Variants in TRDN observed in about 807,000 individuals in gnomAD.
TRDN encodes the protein triadin in skeletal muscle.
In TRDN, 161 loss-of-function variants were observed where a neutral mutation model predicts 149.7. The ratio of observed to expected loss-of-function variants is 1.08; its 90% CI spans 0.95 to 1.23. The LOEUF (loss-of-function observed/expected upper bound fraction) is 1.23, where lower values mean the gene tolerates loss of function less well. Ranked by LOEUF, TRDN falls within the 50% of genes most tolerant of loss-of-function variation. The pLI is 0.00. For missense variants in TRDN, 896 were observed against 823.5 expected, an observed-to-expected ratio of 1.09 and a Z score of -1.08; for synonymous variants, 294 against 250.5, an observed-to-expected ratio of 1.17 and a Z score of -1.64.
chr6:123,264,647 C>A (rs1231321021), intron 33 of TRDN, among the ~76,000 whole-genome samples: 1 of 143,168 alleles, frequency 7.0e-6, no homozygotes, highest in Non-Finnish European at 1.5e-5. Flanking sequence ...TGTCAAATAG[C>A]CATACGAACT....
chr6:123,355,890 T>A (rs1379896921), intron 20 of TRDN, among the ~76,000 whole-genome samples: 1 of 151,824 alleles, frequency 6.6e-6, no homozygotes, highest in Non-Finnish European at 1.5e-5. Flanking sequence ...TGCTATTATA[T>A]TAGAACAGCA....
At chr6:123,435,724 C>A (rs1348685671) in intron 12 of TRDN, among the ~76,000 whole-genome samples, 1 of 152,038 alleles carries the variant, frequency 6.6e-6, no homozygotes, top group Admixed American at 6.6e-5. Flanking sequence ...CCAAGAAAGA[C>A]AACACTAGCT....
chr6:123,353,272 A>T (rs1320938898), intron 20 of TRDN, among the ~76,000 whole-genome samples: 9 of 151,976 alleles, frequency 5.9e-5, no homozygotes, highest in African/African-American at 1.7e-4. Flanking sequence ...TGAGGAACTG[A>T]TTATTGCTAT....
intron 2 of TRDN, among the ~76,000 whole-genome samples, chr6:123,567,780 G>A (rs964470549): frequency 2.6e-5 from 4 of 152,082 alleles, no homozygotes; most frequent in East Asian, 1.9e-4. Context: ...GAGGCCCCAC[G>A]TCGAACACTG....
intron 10 of TRDN, among the ~76,000 whole-genome samples, chr6:123,446,584 C>CAAAAAAAAAAAA: frequency 1.6e-5 from 1 of 61,090 alleles, no homozygotes; most frequent in Non-Finnish European, 3.0e-5. Context: ...GATTCCATCT[C>CAAAAAAAAAAAA]AAAAAAAAAA....
At chr6:123,468,540 A>T (rs1776967067) in intron 9 of TRDN, among the ~76,000 whole-genome samples, 1 of 152,168 alleles carries the variant, frequency 6.6e-6, no homozygotes, top group Non-Finnish European at 1.5e-5. Context: ...CATTCATTCT[A>T]ATGATCTAAG....
At chr6:123,275,124 G>A (rs2114619812) in intron 26 of TRDN, among the ~76,000 whole-genome samples, 1 of 152,180 alleles carries the variant, frequency 6.6e-6, no homozygotes, top group Middle Eastern at 3.4e-3. Flanking sequence ...TTTAGGAATT[G>A]AGACAAATAA....
chr6:123,505,572 C>T (rs1473811625), intron 7 of TRDN, among the ~76,000 whole-genome samples: 1 of 152,002 alleles, frequency 6.6e-6, no homozygotes. Context: ...CTAACCTGGT[C>T]ATTTAGCTTG....
At chr6:123,574,887 TATATATAC>T (rs1354814038) in intron 1 of TRDN, among the ~76,000 whole-genome samples, 4,226 of 111,206 alleles carry the variant, frequency 0.038, 199 homozygotes, top group African/African-American at 0.12. Flanking sequence ...TATATATATA[TATATATAC>T]ACACATTTTC....
chr6:123,532,957 G>A (rs1780319316), intron 4 of TRDN, among the ~76,000 whole-genome samples: 1 of 151,870 alleles, frequency 6.6e-6, no homozygotes, highest in African/African-American at 2.4e-5. Flanking sequence ...ATTCTCTCCT[G>A]TCAATACTGT....
In TRDN at chr6:123,586,936, G is replaced by T. The variant is rs147283031; in HGVS notation, c.23-15804C>A. Among the ~76,000 whole-genome samples the T allele has an allele frequency of 3.5e-3, 535 of 152,180 alleles. 3 individuals are homozygous for T. The highest frequency in any genetic ancestry group is 0.012 in the African/African-American group (502 of 41,510). ...AAGAGGTTAGGGCACAGAAATAATG[G>T]ATTGGGGTACAGCGATATAAGAGGT... On this transcript the variant is annotated intron_variant, in intron 1 of 40. Transcript: ENST00000334268.
At chr6:123,360,724 AG>A (rs1780867455) in intron 20 of TRDN, among the ~76,000 whole-genome samples, 3 of 150,074 alleles carry the variant, frequency 2.0e-5, no homozygotes, top group East Asian at 2.0e-4. Context: ...AGAGACGGAG[AG>A]AGAGAGAGAG....
At chr6:123,480,230 C>G (rs185796354) in intron 9 of TRDN, among the ~76,000 whole-genome samples, 112 of 139,390 alleles carry the variant, frequency 8.0e-4, no homozygotes, top group African/African-American at 2.9e-3. Context: ...ACTTTCATAA[C>G]AGAGTGACAC....
intron 9 of TRDN, among the ~76,000 whole-genome samples, chr6:123,472,390 G>T (rs1032881912): frequency 2.0e-5 from 3 of 152,154 alleles, no homozygotes; most frequent in Non-Finnish European, 2.9e-5. Flanking sequence ...AAAAAACGGC[G>T]CACCACAAGA....
chr6:123,603,155 T>C (rs981880359), intron 1 of TRDN, among the ~76,000 whole-genome samples: 1 of 38,774 alleles, frequency 2.6e-5, no homozygotes, highest in Middle Eastern at 0.016. Context: ...ATTTTTACTT[T>C]TTTCTGTGTA....
intron 5 of TRDN, chr6:123,529,009 A>G (rs1050478335): frequency 1.7e-5 from 23 of 1,325,922 alleles, no homozygotes; most frequent in Admixed American, 9.5e-5. Context: ...ATTATGGAAG[A>G]CTTGCTAGTT....
At chr6:123,289,889 A>G (rs551039369) in intron 24 of TRDN, among the ~76,000 whole-genome samples, 3 of 152,192 alleles carry the variant, frequency 2.0e-5, no homozygotes, top group Admixed American at 2.0e-4. Flanking sequence ...GCCATTGACA[A>G]TAAGAATGTT....
At position 123,499,719 on chromosome 6, in the gene TRDN, A is replaced by AAAAAT; in HGVS notation, c.794-2468_794-2467insATTTT. ...ATTCTGGCTCAAAAAAAAAAAAAAA[A>AAAAAT]ATATATATATATATATATATATATA... On this transcript the variant is annotated intron_variant, in intron 8 of 40. Coordinates refer to ENST00000334268, the MANE Select transcript of TRDN (RefSeq NM_006073.4). 4.2e-3 allele frequency among the ~76,000 whole-genome samples: 198 copies of AAAAAT among 47,628 alleles called. 14 individuals are homozygous for AAAAAT. The highest frequency in any genetic ancestry group is 0.019 in the East Asian group (36 of 1,908). The allele number at this position is 47,628 out of a possible 152,430, so 31.2% of individuals were successfully genotyped here.
chr6:123,325,112 ATG>A (rs1435163618), intron 23 of TRDN, among the ~76,000 whole-genome samples: 1 of 152,136 alleles, frequency 6.6e-6, no homozygotes, highest in African/African-American at 2.4e-5. Flanking sequence ...AATTTTGACT[ATG>A]TGTTAGGATA....
Sources: allele counts gnomAD v4.1 joint callset (sites outside exome capture counted in the v4.1 genomes callset), GRCh38; gene constraint gnomAD v4.1.1; transcripts MANE v1.5; gene names NCBI Gene and HGNC (gene_info 2026-07-23, HGNC 2026-07-21).